CRTC1: variants seen among roughly 807,000 people sequenced by gnomAD.
CRTC1 encodes the protein CREB-regulated transcription coactivator 1.
CRTC1 carries 18 observed loss-of-function variants against 66.1 expected under a neutral mutation model. The observed-to-expected ratio is 0.27, with a 90% CI of 0.19 to 0.40. The LOEUF is 0.40. CRTC1 is among the 10% of genes least tolerant of loss of function. The probability of loss-of-function intolerance (pLI) is 1.00; values close to 1 mark genes in which losing one functional copy is unlikely to be tolerated. For missense variants in CRTC1, 669 were observed against 887.9 expected, an observed-to-expected ratio of 0.75 and a Z score of 3.13; for synonymous variants, 416 against 398.8, an observed-to-expected ratio of 1.04 and a Z score of -0.51.
rs139428489 is a variant in CRTC1, at chr19:18,723,740, G to A, written c.127-19170G>A. Among the ~76,000 whole-genome samples, 399 of 152,328 alleles carry A rather than the reference G, an allele frequency of 2.6e-3. 1 individual carries two copies. The highest frequency in any genetic ancestry group is 4.4e-3 in the Non-Finnish European group (299 of 68,026). On this transcript the variant is annotated intron_variant, in intron 1 of 13. Transcript: ENST00000321949. ...AGAGGGAGCCTTAGCTATGTGTTTC[G>A]ATGTGGTCAGATGGCCTGTGGGCAA...
At chr19:18,691,243 C>T (rs2052827726) in intron 1 of CRTC1, among the ~76,000 whole-genome samples, 1 of 150,948 alleles carries the variant, frequency 6.6e-6, no homozygotes, top group Non-Finnish European at 1.5e-5. Flanking sequence ...GGACCAGGCA[C>T]AGTGGCTCAC....
chr19:18,777,100 G>C lies in CRTC1; in HGVS notation c.1694-71G>C, dbSNP rs2055006160. On this transcript the variant is annotated intron_variant, in intron 13 of 13. Transcript: ENST00000321949. This position sits in a 1 kb window ranked among gnomAD's most constrained non-coding sequence, Gnocchi z 5.5. ...ACAGAGTCGCCCGGCGGGCATGCCT[G>C]GTCCGACACATGGATGCGAGCGATG... The C allele has an allele frequency of 2.3e-6, 2 of 875,726 alleles. No individual in the cohort carries two copies. The highest frequency in any genetic ancestry group is 2.4e-5 in the East Asian group (1 of 41,164). 54.2% of individuals were successfully genotyped at this position (875,726 alleles called of 1,614,324 possible).
intron 8 of CRTC1, among the ~76,000 whole-genome samples, chr19:18,763,524 G>A (rs1368588661): frequency 6.6e-6 from 1 of 152,252 alleles, no homozygotes; most frequent in Non-Finnish European, 1.5e-5. Context: ...TGATCCTCAT[G>A]CACAGCCATG....
intron 1 of CRTC1, among the ~76,000 whole-genome samples, chr19:18,721,534 G>A (rs192871608): frequency 7.6e-6 from 1 of 131,276 alleles, no homozygotes; most frequent in Admixed American, 8.5e-5. Context: ...TTGCTCTGTC[G>A]CCCAGGCTGG....
chr19:18,769,550 G>A (rs572666736), intron 10 of CRTC1, among the ~76,000 whole-genome samples: 6 of 152,220 alleles, frequency 3.9e-5, no homozygotes, highest in Non-Finnish European at 7.3e-5. Context: ...AGGCAGGTGA[G>A]CCTGTGGGTA....
At position 18,760,344 on chromosome 19, in the gene CRTC1, C is replaced by T. The variant is rs1223669328; in HGVS notation, c.886+116C>T. The T allele has an allele frequency of 8.7e-6, 8 of 915,246 alleles. No homozygotes were observed. The highest frequency in any genetic ancestry group is 1.6e-5 in the South Asian group (1 of 61,754). The allele number at this position is 915,246 out of a possible 1,614,324, so 56.7% of individuals were successfully genotyped here. ...AAATACTAGGGCATGGGGGACAGGG[C>T]TGGGGGGCGGCCGACAGGCTGACCC... On this transcript the variant is annotated intron_variant, in intron 8 of 13. Transcript: ENST00000321949. This position sits in a 1 kb window ranked among gnomAD's most constrained non-coding sequence, Gnocchi z 6.2.
At chr19:18,770,476 G>T (rs78533988) in intron 10 of CRTC1, among the ~76,000 whole-genome samples, 2 of 152,378 alleles carry the variant, frequency 1.3e-5, no homozygotes, top group East Asian at 3.9e-4. Flanking sequence ...TGCAGACTTA[G>T]GGGCTTAGAG....
At chr19:18,726,026 C>T (rs538660521) in intron 1 of CRTC1, among the ~76,000 whole-genome samples, 5 of 152,284 alleles carry the variant, frequency 3.3e-5, no homozygotes, top group South Asian at 4.1e-4. Flanking sequence ...ACTCATGTAC[C>T]GCGCCCTCGA....
At chr19:18,707,247 A>G (rs1169964894) in intron 1 of CRTC1, among the ~76,000 whole-genome samples, 3 of 152,154 alleles carry the variant, frequency 2.0e-5, no homozygotes, top group South Asian at 2.1e-4. Flanking sequence ...TTAGCTTTAG[A>G]TCTTTGATCC....
intron 1 of CRTC1, among the ~76,000 whole-genome samples, chr19:18,739,721 C>T (rs923671810): frequency 1.3e-5 from 2 of 152,186 alleles, no homozygotes; most frequent in African/African-American, 4.8e-5. Context: ...GCCGTTCTTC[C>T]AGCTGAGGCC....
Position 18,745,932 on chromosome 19 carries a change from C to T in CRTC1, c.353C>T (p.Pro118Leu). 1 of 1,612,346 alleles carries T rather than the reference C, an allele frequency of 6.2e-7. No homozygotes were observed. The highest frequency in any genetic ancestry group is 8.5e-7 in the Non-Finnish European group (1 of 1,179,148). The change falls in exon 3 of 14, where the codon CCC (proline) becomes CTC (leucine). Residue 118 changes from proline (P) to leucine (L), a missense_variant. Physicochemically the swap from Pro to Leu is moderately conservative, Grantham distance 98 (BLOSUM62 -3). This residue lies in a region of CRTC1 where 214 missense variants were observed against 323.4 expected (regional missense o/e 0.66). Transcript: ENST00000321949. ...RGRLGSPHRRPLSVDKHGRQA... is the reference protein window; with the variant it reads ...RGRLGSPHRRLLSVDKHGRQA... ...CGGCTCGGCTCCCCACACCGCCGGC[C>T]CCTGTCAGTGGACAAACACGGACGG...
At chr19:18,747,208 G>A in intron 4 of CRTC1, 94 bp downstream of exon 4, 2 of 968,118 alleles carry the variant, frequency 2.1e-6, no homozygotes, top group Non-Finnish European at 3.1e-6. Context: ...GGACACAGTC[G>A]CTTAAACAAT....
At chr19:18,764,191 G>A (rs570915024) in intron 8 of CRTC1, among the ~76,000 whole-genome samples, 3 of 152,314 alleles carry the variant, frequency 2.0e-5, no homozygotes, top group South Asian at 4.1e-4. Flanking sequence ...ATGGGCCCAC[G>A]CACCCGCCGT....
chr19:18,709,328 C>T (rs1051242770), intron 1 of CRTC1, among the ~76,000 whole-genome samples: 17 of 152,122 alleles, frequency 1.1e-4, no homozygotes, highest in African/African-American at 4.1e-4. Flanking sequence ...CTCATGGTGC[C>T]TTTTTATGCC....
chr19:18,711,470 G>A (rs1340680060), intron 1 of CRTC1, among the ~76,000 whole-genome samples: 1 of 152,154 alleles, frequency 6.6e-6, no homozygotes, highest in Non-Finnish European at 1.5e-5. Flanking sequence ...GAGAAGCCAA[G>A]CAATTCTGAT....
At chr19:18,695,016 A>G (rs1400872232) in intron 1 of CRTC1, among the ~76,000 whole-genome samples, 1 of 151,076 alleles carries the variant, frequency 6.6e-6, no homozygotes, top group Non-Finnish European at 1.5e-5. Context: ...GACTATAGGC[A>G]CGCGCCACCA....
intron 7 of CRTC1, 118 bp downstream of exon 7, chr19:18,759,709 C>G (rs906476791): frequency 4.3e-6 from 5 of 1,157,526 alleles, no homozygotes; most frequent in Non-Finnish European, 6.2e-6. Context: ...CACTGTGTGA[C>G]CAGAGGCCAG....
At chr19:18,745,987 TG>T in intron 3 of CRTC1, 27 bp downstream of exon 3, 2 of 1,591,382 alleles carry the variant, frequency 1.3e-6, no homozygotes, top group African/African-American at 1.3e-5. Flanking sequence ...AGGATGAGGG[TG>T]GGGGCCAGGC....
chr19:18,707,326 T>G lies in CRTC1; in HGVS notation c.126+23498T>G, dbSNP rs2053289306. 3.3e-5 allele frequency among the ~76,000 whole-genome samples: 5 copies of G among 152,358 alleles called. No individual in the cohort carries two copies. The South Asian group carries it at 1.0e-3, about 32-fold the overall frequency. On this transcript the variant is annotated intron_variant, in intron 1 of 13. Transcript: ENST00000321949. ...CTTCATTCTTTTGCATATGGAGATC[T>G]TGTTTTTCCAGAGCCGTTTTGTTGA...
Sources: gnomAD v4.1 joint callset for allele counts (sites outside exome capture counted in the v4.1 genomes callset) on GRCh38, gnomAD v4.1.1 for gene constraint, gnomAD v4.1.1 regional missense constraint, Gnocchi (gnomAD v3.1) non-coding constraint, MANE v1.5 for transcripts, NCBI Gene and HGNC (gene_info 2026-07-23, HGNC 2026-07-21) for gene names.